SIK3: variants seen among roughly 807,000 people sequenced by gnomAD.
SIK3 encodes the protein serine/threonine-protein kinase SIK3.
Under a neutral mutation model 144.2 loss-of-function variants are expected in SIK3, and 28 were observed. That is an observed-to-expected ratio of 0.19 (90% CI 0.14 to 0.27). SIK3 has a LOEUF of 0.27. Ranked by LOEUF, SIK3 falls within the 10% of genes least tolerant of loss-of-function variation. The pLI is 1.00. For synonymous variants in SIK3, 686 were observed against 676.3 expected, an observed-to-expected ratio of 1.01 and a Z score of -0.22; for missense variants, 1,319 against 1,776.0, an observed-to-expected ratio of 0.74 and a Z score of 4.62.
chr11:116,859,170 C>G, intron 20 of SIK3, 95 bp downstream of exon 20: 1 of 1,147,386 alleles, frequency 8.7e-7, no homozygotes, highest in Non-Finnish European at 1.2e-6. Flanking sequence ...TAGTCAGACC[C>G]ATTCTCCTTC....
intron 4 of SIK3, among the ~76,000 whole-genome samples, chr11:116,917,784 GA>G: frequency 7.5e-6 from 1 of 132,968 alleles, no homozygotes; most frequent in African/African-American, 3.1e-5. Flanking sequence ...ACGAAAGAAA[GA>G]AAAGGAGAGG....
chr11:116,978,379 C>G (rs933447061), intron 1 of SIK3, among the ~76,000 whole-genome samples: 1 of 152,138 alleles, frequency 6.6e-6, no homozygotes, highest in Non-Finnish European at 1.5e-5. Flanking sequence ...CACCTCATCC[C>G]ACTCCAAGAA....
intron 1 of SIK3, among the ~76,000 whole-genome samples, chr11:117,020,264 C>CATATATATATATAT (rs1951718995): frequency 1.0e-5 from 1 of 96,476 alleles, no homozygotes; most frequent in South Asian, 3.0e-4. Context: ...CATATATCTC[C>CATATATATATATAT]ATGGTTCCTG....
chr11:116,915,217 G>T (rs1289407431), intron 4 of SIK3, among the ~76,000 whole-genome samples: 1 of 150,872 alleles, frequency 6.6e-6, no homozygotes, highest in Non-Finnish European at 1.5e-5. Context: ...ATAGAGATGG[G>T]GTCTTATTAT....
intron 16 of SIK3, 107 bp downstream of exon 16, chr11:116,863,561 G>A: frequency 6.7e-7 from 1 of 1,494,228 alleles, no homozygotes; most frequent in Non-Finnish European, 9.2e-7. Context: ...CTATAAAACT[G>A]CAATGTTGCT....
At chr11:116,965,744 T>TATATATATATAC (rs1949508966) in intron 1 of SIK3, among the ~76,000 whole-genome samples, 1 of 4,792 alleles carries the variant, frequency 2.1e-4, no homozygotes, top group African/African-American at 4.8e-4. Flanking sequence ...AATATATATA[T>TATATATATATAC]ATATATATAT....
intron 14 of SIK3, chr11:116,869,883 C>G (rs995366287): frequency 3.2e-6 from 1 of 314,976 alleles, no homozygotes; most frequent in Non-Finnish European, 6.2e-6. Context: ...ACACAGCAAA[C>G]AGTACAAGAG....
intron 3 of SIK3, among the ~76,000 whole-genome samples, chr11:116,944,755 T>C (rs543546125): frequency 6.6e-6 from 1 of 152,204 alleles, no homozygotes; most frequent in Non-Finnish European, 1.5e-5. Flanking sequence ...CTTCTAGCTA[T>C]TTATCAAACT....
intron 4 of SIK3, among the ~76,000 whole-genome samples, chr11:116,917,644 G>T (rs1436308949): frequency 6.6e-6 from 1 of 151,848 alleles, no homozygotes; most frequent in East Asian, 1.9e-4. Context: ...ATGAGTTCAA[G>T]GTTACAGTGA....
intron 1 of SIK3, among the ~76,000 whole-genome samples, chr11:117,076,703 T>C (rs1001021206): frequency 1.3e-5 from 2 of 152,054 alleles, no homozygotes; most frequent in Admixed American, 1.3e-4. Context: ...CTAATTTTTG[T>C]ATTTTTATTT....
At chr11:117,069,329 C>T (rs1954161199) in intron 1 of SIK3, among the ~76,000 whole-genome samples, 1 of 152,168 alleles carries the variant, frequency 6.6e-6, no homozygotes, top group Admixed American at 6.6e-5. Flanking sequence ...ATCTATACTG[C>T]TGACCACTTC....
At chr11:117,011,320 G>A (rs1951244053) in intron 1 of SIK3, among the ~76,000 whole-genome samples, 1 of 152,086 alleles carries the variant, frequency 6.6e-6, no homozygotes, top group African/African-American at 2.4e-5. Context: ...GTGAGAAGGG[G>A]TAATAAAAAG....
intron 1 of SIK3, among the ~76,000 whole-genome samples, chr11:117,056,442 T>A (rs916725847): frequency 2.0e-5 from 3 of 152,038 alleles, no homozygotes; most frequent in South Asian, 2.1e-4. Flanking sequence ...AGTTAATGAG[T>A]GCAGCACACC....
At chr11:116,909,166 T>C (rs759206420) in intron 4 of SIK3, among the ~76,000 whole-genome samples, 4 of 152,082 alleles carry the variant, frequency 2.6e-5, no homozygotes, top group Non-Finnish European at 4.4e-5. Context: ...AAAAATAATA[T>C]AATCAATATG....
chr11:116,888,753 T>G (rs1192987060), intron 6 of SIK3, among the ~76,000 whole-genome samples: 1 of 152,248 alleles, frequency 6.6e-6, no homozygotes, highest in Admixed American at 6.5e-5. Flanking sequence ...TAACTGGGAT[T>G]AAAGAGCGAC....
rs181741494 is a variant in SIK3, at chr11:117,087,261, T to C, written c.273+10882A>G. 8.6e-4 allele frequency among the ~76,000 whole-genome samples: 131 copies of C among 151,850 alleles called. 1 individual carries two copies. Among genetic ancestry groups the C allele is most frequent in the African/African-American group, 2.9e-3 (122 of 41,402 alleles). ...GAGTTCAAGACCAGCCTGGCCAACA[T>C]GGTGAAACCCATCTCTACTAAAAAT... On this transcript the variant is annotated intron_variant, in intron 1 of 24. Transcript: ENST00000445177.
At chr11:116,906,530 G>A (rs1946046084) in intron 4 of SIK3, among the ~76,000 whole-genome samples, 2 of 152,106 alleles carry the variant, frequency 1.3e-5, no homozygotes, top group Non-Finnish European at 1.5e-5. Flanking sequence ...CTAGGTGCGA[G>A]AACAGAAAGA....
rs189735167 is a variant in SIK3, at chr11:116,888,278, A to G, written c.865+7975T>C. 2.5e-3 allele frequency among the ~76,000 whole-genome samples: 378 copies of G among 152,342 alleles called. 5 individuals carry two copies. The highest frequency in any genetic ancestry group is 8.4e-3 in the African/African-American group (351 of 41,580). On this transcript the variant is annotated intron_variant, in intron 6 of 24. Coordinates refer to ENST00000445177, the MANE Select transcript of SIK3 (RefSeq NM_001366686.3). ...TGAGAAAAGGAAGGATCTTGTGCAT[A>G]AGGAATTCTCTCAATCACGCTATCT...
At chr11:117,019,515 A>T (rs1052409052) in intron 1 of SIK3, among the ~76,000 whole-genome samples, 2 of 152,216 alleles carry the variant, frequency 1.3e-5, no homozygotes, top group African/African-American at 4.8e-5. Context: ...GTAAATTTTA[A>T]AAGTAAAAGT....
Sources: gnomAD v4.1 joint callset for allele counts (sites outside exome capture counted in the v4.1 genomes callset) on GRCh38, gnomAD v4.1.1 for gene constraint, MANE v1.5 for transcripts, NCBI Gene and HGNC (gene_info 2026-07-23, HGNC 2026-07-21) for gene names.